DNAH9: variants seen among roughly 807,000 people sequenced by gnomAD.
DNAH9 encodes the protein dynein axonemal heavy chain 9.
A neutral mutation model predicts 471.6 loss-of-function variants in DNAH9; 345 were observed. The observed-to-expected ratio is 0.73, with a 90% confidence interval of 0.67 to 0.80. The LOEUF (loss-of-function observed/expected upper bound fraction) is 0.80, where lower values mean the gene tolerates loss of function less well. Among genes scored for constraint, DNAH9 ranks in the 30% least tolerant of loss-of-function variants. The probability of loss-of-function intolerance (pLI) is 0.00; values close to 1 mark genes in which losing one functional copy is unlikely to be tolerated. For missense variants in DNAH9, 5,407 were observed against 5,609.2 expected (o/e 0.96, Z 1.15); for synonymous variants, 2,093 against 2,123.6 (o/e 0.99, Z 0.40).
At chr17:11,615,811 T>TAGTC (rs1257983151) in intron 4 of DNAH9, among the ~76,000 whole-genome samples, 1 of 152,208 alleles carries the variant, frequency 6.6e-6, no homozygotes, top group Non-Finnish European at 1.5e-5. Context: ...TATAGCATGA[T>TAGTC]AGTCTCAGCC....
chr17:11,652,139 A>G (rs1349355753), intron 13 of DNAH9, among the ~76,000 whole-genome samples: 1 of 152,168 alleles, frequency 6.6e-6, no homozygotes, highest in African/African-American at 2.4e-5. Flanking sequence ...AAGAAAGATT[A>G]ACCCAAATAA....
At chr17:11,879,437 TAA>T (rs538431146) in intron 53 of DNAH9, among the ~76,000 whole-genome samples, 6 of 152,180 alleles carry the variant, frequency 3.9e-5, no homozygotes, top group Non-Finnish European at 8.8e-5. Context: ...TTGAGTTCCA[TAA>T]AGTTTTACTG....
At chr17:11,902,963 C>T in intron 60 of DNAH9, 51 bp downstream of exon 60, 2 of 1,566,090 alleles carry the variant, frequency 1.3e-6, no homozygotes, top group Non-Finnish European at 1.7e-6. Context: ...GCAAGGGCAA[C>T]CTCAGGACAA....
chr17:11,802,506 C>T (rs1264909148), intron 43 of DNAH9, among the ~76,000 whole-genome samples: 1 of 152,062 alleles, frequency 6.6e-6, no homozygotes, highest in Non-Finnish European at 1.5e-5. Flanking sequence ...GTGGCAGACA[C>T]CTGTAATCCC....
intron 60 of DNAH9, among the ~76,000 whole-genome samples, chr17:11,904,520 T>G (rs1339225131): frequency 6.6e-6 from 1 of 151,052 alleles, no homozygotes; most frequent in Non-Finnish European, 1.5e-5. Context: ...TCCCAGCTAC[T>G]CAGGAGGCTG....
Position 11,679,822 on chromosome 17 carries a change from G to A in DNAH9, c.3419G>A (p.Gly1140Glu), listed in dbSNP as rs140587305. ...GGCTTACTCAAGAAAGTTGAAAAAG[G>A]AGATTTCCAAGGCTTGGTTGAGATC... ...ESGLLKKVEK[G>E]DFQGLVEIMG... is the part of the protein sequence containing the mutation. The change falls in exon 18 of 69, where the codon GGA becomes GAA. Residue 1140 changes from glycine to glutamate, a missense_variant. Around this residue, in one of 3 missense-constraint regions of DNAH9, gnomAD observed 4,636 missense variants for 4,900.3 expected, o/e 0.95. Transcript: ENST00000262442. The A allele has an allele frequency of 7.2e-4, 1,158 of 1,614,120 alleles. 7 individuals carry two copies. In the African/African-American group the frequency reaches 0.013, roughly 19 times the overall value.
chr17:11,883,756 ACTC>A lies in DNAH9; in HGVS notation c.10971+10_10971+12del, dbSNP rs112708007. ...CTGCCGAAGTTGAGAAAAAGGTAAA[ACTC>A]CTCTGGCTAGTCTGGGAAGGCAGCC... On this transcript the variant is annotated splice_region_variant and intron_variant, in intron 56 of 68. Transcript: ENST00000262442. The A allele has an allele frequency of 1.6e-3, 2,627 of 1,612,750 alleles. 32 individuals carry two copies. In the African/African-American group the frequency reaches 0.028, roughly 17 times the overall value.
Position 11,933,867 on chromosome 17 carries a change from C to A in DNAH9, c.12298-13C>A. 1 of 1,600,840 alleles carries A rather than the reference C, an allele frequency of 6.2e-7. No homozygotes were observed. The highest frequency in any genetic ancestry group is 8.5e-7 in the Non-Finnish European group (1 of 1,171,582). On this transcript the variant is annotated splice_polypyrimidine_tract_variant and intron_variant, in intron 64 of 68. Coordinates refer to ENST00000262442, the MANE Select transcript of DNAH9 (RefSeq NM_001372.4). Reference sequence around the variant, plus strand: ...CTTTCTTCCTTCCTCTCTTTCTTTCCCCCATCACTCAGGTCCCCTATGATG... The same window carrying A: ...CTTTCTTCCTTCCTCTCTTTCTTTCACCCATCACTCAGGTCCCCTATGATG...
chr17:11,869,689 AAC>A (rs1264287193), intron 51 of DNAH9, among the ~76,000 whole-genome samples: 5 of 152,192 alleles, frequency 3.3e-5, no homozygotes, highest in Admixed American at 3.3e-4. Flanking sequence ...TATTTCAGAA[AAC>A]ACACACAGAC....
At position 11,598,590 on chromosome 17, in the gene DNAH9, A is replaced by G; in HGVS notation, c.92A>G (p.Tyr31Cys). The G allele has an allele frequency of 7.5e-7, 1 of 1,329,596 alleles. No homozygotes were observed. The highest frequency in any genetic ancestry group is 9.7e-7 in the Non-Finnish European group (1 of 1,031,464). 82.4% of individuals were successfully genotyped at this position (1,329,596 alleles called of 1,614,324 possible). A position where few individuals can be genotyped will look rare whatever the true frequency, so the allele number is the denominator to read the frequency against. Residue 31 changes from tyrosine (Y) to cysteine (C), a missense_variant, in exon 1 of 69, where the codon TAC (tyrosine) becomes TGC (cysteine). By Grantham distance (194) the Tyr-to-Cys change is radical (BLOSUM62 -2). Around this residue, in one of 3 missense-constraint regions of DNAH9, gnomAD observed 767 missense variants for 692.5 expected, o/e 1.11. Transcript: ENST00000262442. ...ADRRLRLLGTYVAMSLRPAAG... is the reference protein window; with the variant it reads ...ADRRLRLLGTCVAMSLRPAAG... ...CGACGACTGCGACTCCTGGGGACCT[A>G]CGTGGCCATGAGCCTGCGGCCGGCT...
chr17:11,605,116 TC>T (rs1476765604), intron 1 of DNAH9, among the ~76,000 whole-genome samples: 1 of 152,270 alleles, frequency 6.6e-6, no homozygotes, highest in East Asian at 1.9e-4. Context: ...TGCTTCCACC[TC>T]GGGGCCTTTG....
At chr17:11,674,773 T>C (rs1278655707) in intron 17 of DNAH9, among the ~76,000 whole-genome samples, 1 of 152,202 alleles carries the variant, frequency 6.6e-6, no homozygotes, top group Non-Finnish European at 1.5e-5. Flanking sequence ...CCTGATATCC[T>C]AATGATACCC....
chr17:11,641,608 G>A (rs1404867061), intron 10 of DNAH9, among the ~76,000 whole-genome samples: 3 of 152,102 alleles, frequency 2.0e-5, no homozygotes, highest in African/African-American at 7.2e-5. Flanking sequence ...AATGCTTCCC[G>A]GGGACCCCCC....
chr17:11,653,429 C>CT (rs1398958670), intron 14 of DNAH9, among the ~76,000 whole-genome samples: 4 of 152,162 alleles, frequency 2.6e-5, no homozygotes, highest in African/African-American at 9.7e-5. Flanking sequence ...CGTGGTATCC[C>CT]TAACTGTGTG....
At chr17:11,645,544 C>T (rs974037003) in intron 11 of DNAH9, among the ~76,000 whole-genome samples, 2 of 152,172 alleles carry the variant, frequency 1.3e-5, no homozygotes, top group African/African-American at 2.4e-5. Flanking sequence ...GGAGGCCTTG[C>T]GGTGGTTCTC....
chr17:11,672,970 A>G (rs2073994845), intron 17 of DNAH9, among the ~76,000 whole-genome samples: 1 of 152,092 alleles, frequency 6.6e-6, no homozygotes. Context: ...CTCAGAGTCT[A>G]TCATCCTTGG....
intron 38 of DNAH9, among the ~76,000 whole-genome samples, chr17:11,775,996 A>G (rs1243581680): frequency 2.0e-5 from 3 of 152,128 alleles, no homozygotes; most frequent in Non-Finnish European, 2.9e-5. Flanking sequence ...TTCTCTAAAC[A>G]TGGATTCAGA....
intron 51 of DNAH9, among the ~76,000 whole-genome samples, 158 bp from the exon 52 acceptor site, chr17:11,871,440 A>G (rs1451532770): frequency 6.6e-6 from 1 of 152,218 alleles, no homozygotes; most frequent in African/African-American, 2.4e-5. Context: ...GCTTTGCTAC[A>G]GGCAGCACAA....
intron 1 of DNAH9, among the ~76,000 whole-genome samples, chr17:11,602,284 A>AC: frequency 6.6e-6 from 1 of 151,784 alleles, no homozygotes; most frequent in Non-Finnish European, 1.5e-5. Flanking sequence ...ATATTAGAAC[A>AC]CCTGGAATAG....
Sources: gnomAD v4.1 joint callset for allele counts (sites outside exome capture counted in the v4.1 genomes callset) on GRCh38, gnomAD v4.1.1 for gene constraint, gnomAD v4.1.1 regional missense constraint, MANE v1.5 for transcripts, NCBI Gene and HGNC (gene_info 2026-07-23, HGNC 2026-07-21) for gene names.